Variants in NRCAM observed in about 807,000 individuals in gnomAD.
The protein encoded by NRCAM is neuronal cell adhesion molecule.
A neutral mutation model predicts 156.5 loss-of-function variants in NRCAM; 83 were observed. That is an observed-to-expected ratio of 0.53 (90% CI 0.44 to 0.64). NRCAM has a LOEUF of 0.64. Ranked by LOEUF, NRCAM falls within the 30% of genes least tolerant of loss-of-function variation. NRCAM has a pLI of 0.00. For synonymous variants in NRCAM, 538 were observed against 563.9 expected, an observed-to-expected ratio of 0.95 and a Z score of 0.65; for missense variants, 1,417 against 1,597.3, an observed-to-expected ratio of 0.89 and a Z score of 1.92.
chr7:108,276,237 T>A (rs2097600113), intron 3 of NRCAM, among the ~76,000 whole-genome samples: 6 of 152,226 alleles, frequency 3.9e-5, no homozygotes, highest in Admixed American at 1.3e-4. Context: ...GTTCTGTAGA[T>A]GTCTATTAGG....
intron 1 of NRCAM, among the ~76,000 whole-genome samples, chr7:108,425,542 G>A (rs185096700): frequency 6.6e-6 from 1 of 152,262 alleles, no homozygotes; most frequent in Admixed American, 6.5e-5. Context: ...TTATGAGTCT[G>A]TCAAGATACA....
chr7:108,444,824 A>G (rs1000220208), intron 1 of NRCAM, among the ~76,000 whole-genome samples: 3 of 152,190 alleles, frequency 2.0e-5, no homozygotes, highest in African/African-American at 7.2e-5. Context: ...CAACATATGA[A>G]TTTTAAAGGA....
intron 3 of NRCAM, among the ~76,000 whole-genome samples, chr7:108,260,288 T>C (rs900633692): frequency 5.3e-5 from 8 of 152,154 alleles, no homozygotes; most frequent in Admixed American, 5.2e-4. Flanking sequence ...AGTCATTGAA[T>C]ATAAAAGTTC....
chr7:108,298,452 TG>T (rs1021710872), intron 3 of NRCAM, among the ~76,000 whole-genome samples: 5 of 150,486 alleles, frequency 3.3e-5, no homozygotes, highest in Admixed American at 3.3e-4. Context: ...GAGACCATAT[TG>T]GCTAACACGG....
intron 6 of NRCAM, among the ~76,000 whole-genome samples, chr7:108,233,490 C>G (rs961767339): frequency 7.2e-5 from 11 of 152,174 alleles, no homozygotes; most frequent in Non-Finnish European, 7.3e-5. Context: ...CTCCATATAT[C>G]AACAATGCTG....
intron 13 of NRCAM, among the ~76,000 whole-genome samples, chr7:108,201,430 T>C (rs969905760): frequency 1.3e-5 from 2 of 152,322 alleles, no homozygotes; most frequent in Admixed American, 6.5e-5. Context: ...CTTAAATGTA[T>C]TGAGTTTTTA....
chr7:108,365,088 G>C (rs1355294968), intron 2 of NRCAM, among the ~76,000 whole-genome samples: 2 of 152,166 alleles, frequency 1.3e-5, no homozygotes, highest in African/African-American at 2.4e-5. Flanking sequence ...GTGCTGGGGA[G>C]TATAATCTTT....
intron 2 of NRCAM, among the ~76,000 whole-genome samples, chr7:108,344,738 T>C (rs746366263): frequency 6.6e-6 from 1 of 152,208 alleles, no homozygotes; most frequent in Non-Finnish European, 1.5e-5. Flanking sequence ...AGCTATTGGG[T>C]ATAGATAGAA....
intron 1 of NRCAM, among the ~76,000 whole-genome samples, chr7:108,442,278 A>G (rs1839457200): frequency 6.6e-6 from 1 of 152,150 alleles, no homozygotes; most frequent in East Asian, 1.9e-4. Flanking sequence ...CATTCCAAGT[A>G]ATTGATACTC....
Position 108,241,925 on chromosome 7 carries a change from G to C in NRCAM, c.-106-1755C>G, listed in dbSNP as rs531352109. On this transcript the variant is annotated intron_variant, in intron 3 of 32. Coordinates refer to ENST00000379028, the MANE Select transcript of NRCAM (RefSeq NM_001037132.4). ...AATAACATATTTTGCTAGCAATCAA[G>C]TTCTGATTTGAACATGATTAAAACT... Among the ~76,000 whole-genome samples, 13 of 152,178 alleles carry C rather than the reference G, an allele frequency of 8.5e-5. No individual in the cohort carries two copies. The South Asian group carries it at 2.5e-3, about 29-fold the overall frequency.
At chr7:108,438,463 TA>T (rs922158729) in intron 1 of NRCAM, among the ~76,000 whole-genome samples, 27 of 151,962 alleles carry the variant, frequency 1.8e-4, no homozygotes, top group African/African-American at 4.6e-4. Context: ...CCTTTCATGA[TA>T]AAAAAAATCT....
intron 3 of NRCAM, among the ~76,000 whole-genome samples, chr7:108,261,932 T>G (rs1198959600): frequency 6.6e-6 from 1 of 152,166 alleles, no homozygotes; most frequent in African/African-American, 2.4e-5. Context: ...TTTCATCCCC[T>G]GGCAGACAGT....
At chr7:108,229,050 G>A (rs1330431492) in intron 8 of NRCAM, among the ~76,000 whole-genome samples, 1 of 152,136 alleles carries the variant, frequency 6.6e-6, no homozygotes, top group East Asian at 1.9e-4. Flanking sequence ...TGTCTTGTGA[G>A]TGCACAGACA....
intron 15 of NRCAM, 133 bp downstream of exon 15, chr7:108,195,628 A>T (rs2074590056): frequency 1.6e-6 from 1 of 608,510 alleles, no homozygotes; most frequent in East Asian, 2.8e-5. Flanking sequence ...AAGAAAAAAA[A>T]ATATATTAAC....
chr7:108,218,177 G>C lies in NRCAM; in HGVS notation c.890+5548C>G, dbSNP rs914210959. Among the ~76,000 whole-genome samples, 1,172 of 151,270 alleles carry C rather than the reference G, an allele frequency of 7.7e-3. 8 individuals are homozygous for C. The highest frequency in any genetic ancestry group is 0.012 in the Non-Finnish European group (816 of 67,768). On this transcript the variant is annotated intron_variant, in intron 11 of 32. Transcript: ENST00000379028. ...TCCCTCACGGCTTCCCTTGGCTGGG[G>C]GGGGGGGGGAGTTCCCCGACCCCTT...
chr7:108,176,348 G>T, intron 27 of NRCAM, 82 bp downstream of exon 27: 1 of 1,259,088 alleles, frequency 7.9e-7, no homozygotes, highest in Non-Finnish European at 1.1e-6. Context: ...ACGTTCCATA[G>T]CAAGAAGGAA....
intron 3 of NRCAM, among the ~76,000 whole-genome samples, chr7:108,304,970 C>T (rs902845960): frequency 1.3e-5 from 2 of 152,064 alleles, no homozygotes; most frequent in Admixed American, 6.6e-5. Context: ...GATTGATCTA[C>T]AGAAGAAAAA....
chr7:108,231,152 T>C lies in NRCAM; in HGVS notation c.429A>G (p.Arg143=), dbSNP rs766989890. Residue 143 remains arginine (R), a splice_region_variant and synonymous_variant, in exon 8 of 33, where the codon AGA becomes AGG. Coordinates refer to ENST00000379028, the MANE Select transcript of NRCAM (RefSeq NM_001037132.4). Reference sequence around the variant, plus strand: ...GTTTTTCTTTGGTCCACAATGGTGATCCTATTAAATAAAAAAATAACTTCT... The same window carrying C: ...GTTTTTCTTTGGTCCACAATGGTGACCCTATTAAATAAAAAAATAACTTCT... ...VSNNIVVRPS[R]SPLWTKEKLE... The C allele has an allele frequency of 6.4e-7, 1 of 1,573,356 alleles. No homozygotes were observed. Among genetic ancestry groups the C allele is most frequent in the South Asian group, 1.2e-5 (1 of 82,356 alleles).
At chr7:108,220,460 A>G (rs939020136) in intron 11 of NRCAM, among the ~76,000 whole-genome samples, 2 of 152,220 alleles carry the variant, frequency 1.3e-5, no homozygotes, top group Non-Finnish European at 2.9e-5. Context: ...CTATAAGGCC[A>G]TGGTCACCAA....
Sources: gnomAD v4.1 joint callset for allele counts (sites outside exome capture counted in the v4.1 genomes callset) on GRCh38, gnomAD v4.1.1 for gene constraint, MANE v1.5 for transcripts, NCBI Gene and HGNC (gene_info 2026-07-23, HGNC 2026-07-21) for gene names.